Variants in CELF2 observed in about 807,000 individuals in gnomAD.
The protein encoded by CELF2 is CUGBP Elav-like family member 2.
Under a neutral mutation model 62.6 loss-of-function variants are expected in CELF2, and 8 were observed. The observed-to-expected ratio is 0.13, with a 90% CI of 0.07 to 0.23. The LOEUF (loss-of-function observed/expected upper bound fraction) is 0.23. Ranked by LOEUF, CELF2 falls within the 10% of genes least tolerant of loss-of-function variation. CELF2 has a pLI of 1.00. For synonymous variants in CELF2, 258 were observed against 250.0 expected (o/e 1.03, Z -0.30); for missense variants, 333 against 671.0 (o/e 0.50, Z 5.56).
chr10:10,641,495 C>T, the CELF2 span, among the ~76,000 whole-genome samples: 5 of 152,038 alleles, frequency 3.3e-5, no homozygotes, highest in African/African-American at 1.2e-4. Context: ...GGCTGGAGTG[C>T]AATGGTGGGG....
At chr10:11,051,018 G>A (rs1046485439) in intron 1 of CELF2, among the ~76,000 whole-genome samples, 1 of 152,184 alleles carries the variant, frequency 6.6e-6, no homozygotes, top group Non-Finnish European at 1.5e-5. Context: ...TATTTTCCAA[G>A]ACCAGTTCTA....
chr10:10,843,581 C>T (rs956101077), intron 1 of CELF2, among the ~76,000 whole-genome samples: 2 of 151,946 alleles, frequency 1.3e-5, no homozygotes, highest in East Asian at 3.9e-4. Context: ...TGTTTTATGG[C>T]TCATAATGGG....
At chr10:11,254,433 T>C (rs925310390) in intron 4 of CELF2, among the ~76,000 whole-genome samples, 1 of 152,274 alleles carries the variant, frequency 6.6e-6, no homozygotes, top group African/African-American at 2.4e-5. Flanking sequence ...TTTTCTTGGC[T>C]AATACTTGAT....
chr10:11,279,671 A>G (rs2087551603), intron 8 of CELF2, among the ~76,000 whole-genome samples: 4 of 152,238 alleles, frequency 2.6e-5, no homozygotes, highest in South Asian at 4.1e-4. Context: ...GGTAATTGCT[A>G]TGAACAATAA....
chr10:10,738,733 A>G, the CELF2 span, among the ~76,000 whole-genome samples: 1 of 152,330 alleles, frequency 6.6e-6, no homozygotes, highest in African/African-American at 2.4e-5. Flanking sequence ...GTCATCAAAC[A>G]TAGGCAAAGT....
chr10:11,197,028 A>AGGAAGGAAGGAAGGAAGGAAGGAAG (rs2057913830), intron 2 of CELF2, among the ~76,000 whole-genome samples: 2 of 20,968 alleles, frequency 9.5e-5, no homozygotes, highest in African/African-American at 3.9e-4. Flanking sequence ...AAGAAAGAAA[A>AGGAAGGAAGGAAGGAAGGAAGGAAG]GAAAGAAAGA....
Position 11,305,884 on chromosome 10 carries a change from T to C in CELF2, c.977-8255T>C, listed in dbSNP as rs1172770675. Among the ~76,000 whole-genome samples the C allele has an allele frequency of 6.6e-6, 1 of 152,220 alleles. No individual in the cohort carries two copies. The highest frequency in any genetic ancestry group is 1.5e-5 in the Non-Finnish European group (1 of 68,038). On this transcript the variant is annotated intron_variant, in intron 9 of 12. Transcript: ENST00000633077. This position sits in a 1 kb window ranked among gnomAD's most constrained non-coding sequence, Gnocchi z 4.8. Reference sequence around the variant, plus strand: ...TGGGCATATCCTCACCATCAGGGTCTCTGGACCACCTCGCTTTTCCTGTTC... The same window carrying C: ...TGGGCATATCCTCACCATCAGGGTCCCTGGACCACCTCGCTTTTCCTGTTC...
chr10:10,850,645 A>G (rs12263485), intron 1 of CELF2, among the ~76,000 whole-genome samples: 2,363 of 152,310 alleles, frequency 0.016, 77 homozygotes, highest in African/African-American at 0.054. Context: ...ATTGCAAACA[A>G]TAACAGGTAA....
chr10:10,970,127 G>C (rs1418194167), intron 2 of CELF2, among the ~76,000 whole-genome samples: 1 of 152,156 alleles, frequency 6.6e-6, no homozygotes, highest in African/African-American at 2.4e-5. Flanking sequence ...GGAGTGCAGT[G>C]GCGCAATTTC....
chr10:11,153,145 AT>A (rs1288241654), intron 1 of CELF2, among the ~76,000 whole-genome samples: 2 of 151,980 alleles, frequency 1.3e-5, no homozygotes, highest in Non-Finnish European at 2.9e-5. Context: ...TGGCAATTTA[AT>A]TTTTTTTGCT....
the CELF2 span, among the ~76,000 whole-genome samples, chr10:10,495,155 C>A: frequency 6.6e-6 from 1 of 152,050 alleles, no homozygotes; most frequent in East Asian, 1.9e-4. Flanking sequence ...GTGGCGGGCG[C>A]CTGTAGTCCC....
chr10:10,837,200 A>G (rs1206435123), intron 1 of CELF2, among the ~76,000 whole-genome samples: 1 of 152,148 alleles, frequency 6.6e-6, no homozygotes, highest in Non-Finnish European at 1.5e-5. Context: ...TAATTGAATC[A>G]TGGGTGTGGT....
the CELF2 span, among the ~76,000 whole-genome samples, chr10:10,625,738 A>T: frequency 1.3e-5 from 2 of 152,108 alleles, no homozygotes; most frequent in African/African-American, 4.8e-5. Flanking sequence ...CACGCTTCTT[A>T]TCCATCCCTC....
intron 1 of CELF2, among the ~76,000 whole-genome samples, chr10:11,163,481 T>G (rs1426533044): frequency 6.6e-6 from 1 of 152,136 alleles, no homozygotes; most frequent in African/African-American, 2.4e-5. Context: ...AGGGTTCAAG[T>G]GTTGATTGAA....
At chr10:10,560,713 C>T in the CELF2 span, among the ~76,000 whole-genome samples, 4 of 152,118 alleles carry the variant, frequency 2.6e-5, no homozygotes, top group Non-Finnish European at 5.9e-5. Context: ...GAAAAAGATA[C>T]TTGTACACGC....
intron 1 of CELF2, among the ~76,000 whole-genome samples, chr10:10,862,577 A>T (rs1591307546): frequency 6.6e-6 from 1 of 152,226 alleles, no homozygotes; most frequent in Non-Finnish European, 1.5e-5. Context: ...CTCAGAAGTT[A>T]TTCAACATCA....
intron 1 of CELF2, among the ~76,000 whole-genome samples, chr10:10,856,208 A>G (rs1239454770): frequency 6.6e-6 from 1 of 152,192 alleles, no homozygotes; most frequent in East Asian, 1.9e-4. Flanking sequence ...TCCTGACACT[A>G]ACTCTGTTAT....
the CELF2 span, among the ~76,000 whole-genome samples, chr10:10,524,917 T>C: frequency 5.3e-5 from 8 of 152,326 alleles, no homozygotes; most frequent in East Asian, 9.7e-4. Context: ...TATGCATGTA[T>C]GCATATATGT....
At chr10:10,629,787 GA>G in the CELF2 span, among the ~76,000 whole-genome samples, 6 of 140,110 alleles carry the variant, frequency 4.3e-5, no homozygotes. Context: ...TAGGAATCTG[GA>G]CACATTGCAC....
Sources: gnomAD v4.1 joint callset for allele counts (sites outside exome capture counted in the v4.1 genomes callset) on GRCh38, gnomAD v4.1.1 for gene constraint, Gnocchi (gnomAD v3.1) non-coding constraint, MANE v1.5 for transcripts, NCBI Gene and HGNC (gene_info 2026-07-23, HGNC 2026-07-21) for gene names.